The following RRM2 variants were observed in gnomAD, a reference collection of about 807,000 sequenced individuals.
The protein encoded by RRM2 is ribonucleotide reductase regulatory subunit M2.
In RRM2, 6 loss-of-function variants were observed where a neutral mutation model predicts 45.9. That is an observed-to-expected ratio of 0.13 (90% CI 0.07 to 0.26). The LOEUF is 0.26. RRM2 is among the 10% of genes least tolerant of loss of function. RRM2 has a pLI of 1.00. For missense variants in RRM2, 343 were observed against 489.5 expected, an observed-to-expected ratio of 0.70 and a Z score of 2.82; for synonymous variants, 177 against 173.0, an observed-to-expected ratio of 1.02 and a Z score of -0.18.
chr2:10,172,728 T>G lies in RRM2; in HGVS notation n.482+30353T>G, dbSNP rs553686408. 1.5e-3 allele frequency among the ~76,000 whole-genome samples: 221 copies of G among 152,320 alleles called. 1 individual carries two copies. The highest frequency in any genetic ancestry group is 3.5e-3 in the South Asian group (17 of 4,832). The stretch of plus-strand genomic sequence containing the variant: ...AGGGAGGGGCTGGGTGTGTTGTTGC[T>G]GCACCCAGGACTGCCCACATCAGTT... On this transcript the variant is annotated intron_variant and non_coding_transcript_variant, in intron 3 of 3. Coordinates refer to the RRM2 transcript ENST00000381786. This position sits in a 1 kb window ranked among gnomAD's most constrained non-coding sequence, Gnocchi z 4.9.
chr2:10,196,943 T>A (rs958406676), intron 3 of RRM2, among the ~76,000 whole-genome samples: 8 of 152,166 alleles, frequency 5.3e-5, no homozygotes, highest in East Asian at 3.9e-4. Flanking sequence ...CCTCCCTCTC[T>A]CAAGCACCAA....
chr2:10,126,822 C>A, intron 5 of RRM2, 53 bp from the exon 6 acceptor site: 1 of 1,365,796 alleles, frequency 7.3e-7, no homozygotes, highest in South Asian at 1.2e-5. Flanking sequence ...AGTTGGTAAT[C>A]GGAGGTCTTT....
At position 10,127,289 on chromosome 2, in the gene RRM2, T is replaced by C; in HGVS notation, c.798+69T>C. The C allele has an allele frequency of 6.6e-7, 1 of 1,525,880 alleles. No homozygotes were observed. Among genetic ancestry groups the C allele is most frequent in the South Asian group, 1.1e-5 (1 of 87,752 alleles). 94.5% of individuals were successfully genotyped at this position (1,525,880 alleles called of 1,614,324 possible). On this transcript the variant is annotated intron_variant, in intron 7 of 9. Transcript: ENST00000304567. The surrounding 1 kb of genome is among the most constrained non-coding windows in gnomAD (Gnocchi z 4.1). ...AACTCGGGCATGCTCTTGTGTTCAC[T>C]GACGGGGACCTGAGATGCTAGATGG...
intron 3 of RRM2, among the ~76,000 whole-genome samples, chr2:10,162,272 C>T (rs1301297297): frequency 6.6e-6 from 1 of 152,148 alleles, no homozygotes; most frequent in Non-Finnish European, 1.5e-5. Flanking sequence ...AGCCGCCCGT[C>T]GTTCATGTCG....
chr2:10,191,928 C>T (rs959231877), intron 3 of RRM2, among the ~76,000 whole-genome samples: 3 of 152,128 alleles, frequency 2.0e-5, no homozygotes, highest in African/African-American at 4.8e-5. Flanking sequence ...GAAATGGCCT[C>T]GAATGAGTCC....
At chr2:10,190,029 ATGG>A (rs893094317) in intron 3 of RRM2, among the ~76,000 whole-genome samples, 4 of 148,866 alleles carry the variant, frequency 2.7e-5, no homozygotes, top group South Asian at 2.1e-4. Context: ...GATGGTGGTG[ATGG>A]TGGTGATGGT....
intron 3 of RRM2, among the ~76,000 whole-genome samples, chr2:10,203,065 G>A (rs1376728917): frequency 6.6e-6 from 1 of 152,216 alleles, no homozygotes; most frequent in Admixed American, 6.5e-5. Context: ...AATTACCTCG[G>A]CAATGACAGG....
intron 7 of RRM2, among the ~76,000 whole-genome samples, chr2:10,128,427 C>G (rs140034020): frequency 1.5e-3 from 227 of 152,320 alleles, no homozygotes; most frequent in African/African-American, 5.2e-3. Flanking sequence ...CAGTAACTTG[C>G]AAACTTGATT....
intron 3 of RRM2, among the ~76,000 whole-genome samples, chr2:10,202,047 G>T (rs1253634670): frequency 6.6e-6 from 1 of 152,078 alleles, no homozygotes; most frequent in African/African-American, 2.4e-5. Flanking sequence ...TAAAGAGCAG[G>T]TTAGTGCTCT....
In RRM2 at chr2:10,123,379, C is replaced by A; in HGVS notation, c.175-8C>A. On this transcript the variant is annotated splice_polypyrimidine_tract_variant and splice_region_variant and intron_variant, in intron 2 of 9. Transcript: ENST00000304567. ...GGTACTTAAATGTTTTATTTTCTCCCCCAACAGAAAACTAAAGCAGCTGCC... is the reference window on the plus strand; with the variant it reads ...GGTACTTAAATGTTTTATTTTCTCCACCAACAGAAAACTAAAGCAGCTGCC... 1 of 1,601,272 alleles carries A rather than the reference C, an allele frequency of 6.2e-7. No individual in the cohort carries two copies. Among genetic ancestry groups the A allele is most frequent in the Non-Finnish European group, 8.5e-7 (1 of 1,176,366 alleles).
chr2:10,123,662 T>C (rs1242666012), intron 3 of RRM2, 74 bp from the exon 4 acceptor site: 3 of 1,411,302 alleles, frequency 2.1e-6, no homozygotes, highest in South Asian at 1.2e-5. Flanking sequence ...TACTTAAAGT[T>C]TGAGTGCTCA....
chr2:10,198,831 A>T (rs1042589019), intron 3 of RRM2: 2 of 151,818 alleles, frequency 1.3e-5, no homozygotes, highest in Non-Finnish European at 2.9e-5. Flanking sequence ...TGGTCAGAGG[A>T]GTGTTTGATT....
chr2:10,173,016 CCTT>C (rs1430637451), intron 3 of RRM2, among the ~76,000 whole-genome samples: 17 of 152,298 alleles, frequency 1.1e-4, no homozygotes, highest in African/African-American at 2.9e-4. Flanking sequence ...CAACTTTCTC[CCTT>C]CTTCTCACAG....
chr2:10,137,302 G>A (rs1032173733), upstream of RRM2, among the ~76,000 whole-genome samples: 1 of 152,230 alleles, frequency 6.6e-6, no homozygotes, highest in Admixed American at 6.5e-5. Flanking sequence ...CTTGATGGGA[G>A]AGCAGGCACC....
chr2:10,140,325 A>G (rs1270471974), upstream of RRM2, among the ~76,000 whole-genome samples: 2 of 152,236 alleles, frequency 1.3e-5, no homozygotes, highest in African/African-American at 4.8e-5. Flanking sequence ...TTCAGGGCCC[A>G]TAAATAGCTT....
intron 3 of RRM2, among the ~76,000 whole-genome samples, chr2:10,200,913 G>A (rs1050510776): frequency 1.3e-5 from 2 of 152,208 alleles, no homozygotes; most frequent in Non-Finnish European, 2.9e-5. Context: ...TTGGGAGCCC[G>A]AGGCGGGCAG....
At chr2:10,134,568 T>C (rs1662960967), downstream of RRM2, among the ~76,000 whole-genome samples, 1 of 152,248 alleles carries the variant, frequency 6.6e-6, no homozygotes, top group Non-Finnish European at 1.5e-5. Context: ...CTAGCCTGGT[T>C]GCACAGGATT....
chr2:10,186,510 C>A (rs1054158608), intron 3 of RRM2, among the ~76,000 whole-genome samples: 8 of 151,180 alleles, frequency 5.3e-5, no homozygotes, highest in African/African-American at 1.9e-4. Context: ...CTAGCCAAAG[C>A]CTGGTGAACC....
intron 3 of RRM2, among the ~76,000 whole-genome samples, chr2:10,152,783 C>A (rs1663340518): frequency 2.0e-5 from 3 of 152,014 alleles, no homozygotes; most frequent in African/African-American, 7.2e-5. Flanking sequence ...ACACCTGGCC[C>A]CTGTGTACTA....
Sources: allele counts gnomAD v4.1 joint callset (sites outside exome capture counted in the v4.1 genomes callset), GRCh38; gene constraint gnomAD v4.1.1; non-coding constraint Gnocchi (gnomAD v3.1); transcripts MANE v1.5; gene names NCBI Gene and HGNC (gene_info 2026-07-23, HGNC 2026-07-21).